The following LPP variants were observed in gnomAD, a reference collection of about 807,000 sequenced individuals.
LPP encodes lipoma-preferred partner.
In LPP, 38 loss-of-function variants were observed where a neutral mutation model predicts 60.4. That is an observed-to-expected ratio of 0.63 (90% CI 0.49 to 0.83). The LOEUF (loss-of-function observed/expected upper bound fraction) is 0.83, where lower values mean the gene tolerates loss of function less well. LPP is among the 40% of genes least tolerant of loss of function. The pLI is 0.00. For synonymous variants in LPP, 328 were observed against 290.8 expected, an observed-to-expected ratio of 1.13 and a Z score of -1.30; for missense variants, 902 against 783.6, an observed-to-expected ratio of 1.15 and a Z score of -1.80.
intron 9 of LPP, among the ~76,000 whole-genome samples, chr3:188,849,588 T>C (rs1386683281): frequency 6.6e-6 from 1 of 152,208 alleles, no homozygotes; most frequent in Admixed American, 6.5e-5. Flanking sequence ...TTTTTGTTTT[T>C]ATTAATCCCT....
intron 8 of LPP, among the ~76,000 whole-genome samples, chr3:188,733,495 ACTCT>A (rs917670823): frequency 6.6e-6 from 1 of 151,680 alleles, no homozygotes; most frequent in Non-Finnish European, 1.5e-5. Flanking sequence ...CTAACATGGT[ACTCT>A]CTCTCTTTAT....
At chr3:188,519,119 C>T (rs1248132246) in intron 5 of LPP, among the ~76,000 whole-genome samples, 1 of 152,080 alleles carries the variant, frequency 6.6e-6, no homozygotes, top group African/African-American at 2.4e-5. Context: ...CTCACAGTGC[C>T]CCAAAATATC....
intron 1 of LPP, among the ~76,000 whole-genome samples, chr3:188,200,245 A>ATTT (rs532406589): frequency 4.3e-5 from 6 of 139,832 alleles, no homozygotes; most frequent in Non-Finnish European, 7.8e-5. Flanking sequence ...GGGTTTAAGA[A>ATTT]TTTTTTTTTT....
rs1324398493 is a variant in LPP at position 188,174,018 on chromosome 3, T to C, written c.-190+19766T>C. Among the ~76,000 whole-genome samples, 4 of 152,328 alleles carry C rather than the reference T, an allele frequency of 2.6e-5. No homozygotes were observed. In the South Asian group the frequency reaches 6.2e-4, roughly 24 times the overall value. Reference sequence around the variant, plus strand: ...CTCACAAAATGCCACAGTTTTACCCTGTGAAAGTTAAGCAAACCGTTGTGC... The same window carrying C: ...CTCACAAAATGCCACAGTTTTACCCCGTGAAAGTTAAGCAAACCGTTGTGC... On this transcript the variant is annotated intron_variant, in intron 1 of 11. Coordinates refer to ENST00000617246, the MANE Select transcript of LPP (RefSeq NM_001375462.1).
chr3:188,538,701 T>C (rs1307477938), intron 6 of LPP, among the ~76,000 whole-genome samples: 1 of 152,148 alleles, frequency 6.6e-6, no homozygotes, highest in East Asian at 1.9e-4. Flanking sequence ...GGAATTAAAA[T>C]ATATGACCAC....
intron 6 of LPP, among the ~76,000 whole-genome samples, chr3:188,527,754 CTT>C (rs71169007): frequency 6.9e-6 from 1 of 144,662 alleles, no homozygotes. Flanking sequence ...GCTCCCTTTC[CTT>C]TTTTTTTTTT....
At chr3:188,487,143 G>T (rs1173353449) in intron 5 of LPP, among the ~76,000 whole-genome samples, 1 of 152,170 alleles carries the variant, frequency 6.6e-6, no homozygotes, top group Non-Finnish European at 1.5e-5. Flanking sequence ...TATTCTAGTT[G>T]TGTGATCTTG....
chr3:188,347,254 C>A (rs1486359450), intron 3 of LPP, among the ~76,000 whole-genome samples: 2 of 151,898 alleles, frequency 1.3e-5, no homozygotes. Flanking sequence ...GTAGATGGGC[C>A]CCAGAGGAAT....
intron 7 of LPP, among the ~76,000 whole-genome samples, chr3:188,695,450 G>T (rs1863036424): frequency 6.6e-6 from 1 of 152,152 alleles, no homozygotes; most frequent in Non-Finnish European, 1.5e-5. Flanking sequence ...ACATTTGAAA[G>T]ACATCCATAG....
chr3:188,384,038 T>A (rs1777556900), intron 3 of LPP, among the ~76,000 whole-genome samples: 1 of 152,206 alleles, frequency 6.6e-6, no homozygotes, highest in Non-Finnish European at 1.5e-5. Context: ...TGGTTTCTTT[T>A]CTTTAGTTCT....
intron 9 of LPP, among the ~76,000 whole-genome samples, chr3:188,824,861 A>G (rs917255778): frequency 7.2e-5 from 11 of 152,140 alleles, no homozygotes; most frequent in Non-Finnish European, 1.6e-4. Flanking sequence ...TTAGCCATCA[A>G]AGACCAAGGT....
At chr3:188,677,861 G>A (rs1576987154) in intron 7 of LPP, among the ~76,000 whole-genome samples, 1 of 152,180 alleles carries the variant, frequency 6.6e-6, no homozygotes, top group East Asian at 1.9e-4. Context: ...ACCTACCCTA[G>A]GTCTGGGTGG....
At chr3:188,197,627 A>G (rs1729912017) in intron 1 of LPP, among the ~76,000 whole-genome samples, 1 of 152,166 alleles carries the variant, frequency 6.6e-6, no homozygotes, top group Admixed American at 6.5e-5. Context: ...GAGGTGCATA[A>G]GGGACCCTAC....
chr3:188,311,918 T>C (rs1430807586), intron 2 of LPP, among the ~76,000 whole-genome samples: 1 of 152,116 alleles, frequency 6.6e-6, no homozygotes, highest in East Asian at 1.9e-4. Context: ...GGATTACAGG[T>C]GTGAGCCACC....
At chr3:188,843,835 C>CT (rs1465900217) in intron 9 of LPP, among the ~76,000 whole-genome samples, 1 of 151,074 alleles carries the variant, frequency 6.6e-6, no homozygotes, top group Non-Finnish European at 1.5e-5. Flanking sequence ...TCAGTTGCCC[C>CT]TGCAGTCCCT....
intron 9 of LPP, among the ~76,000 whole-genome samples, chr3:188,799,011 A>G (rs1023092729): frequency 3.3e-5 from 5 of 152,220 alleles, no homozygotes; most frequent in African/African-American, 4.8e-5. Context: ...ACATGTGTGT[A>G]GTTGTTTTGC....
chr3:188,228,989 G>A (rs1343597028), intron 2 of LPP, among the ~76,000 whole-genome samples: 7 of 152,120 alleles, frequency 4.6e-5, no homozygotes, highest in Non-Finnish European at 5.9e-5. Flanking sequence ...GCACAGCATC[G>A]GGAACATTAG....
At position 188,330,841 on chromosome 3, in the gene LPP, A is replaced by C. The variant is rs199565342; in HGVS notation, c.-66-10822A>C. On this transcript the variant is annotated intron_variant, in intron 2 of 11. Transcript: ENST00000617246. ...AGAATAAGTCAGTCAGTCAGTCAGT[A>C]AGTAAGTAAGTAAGTAAGTAAATAA... is the stretch of plus-strand genomic sequence containing the variant. Among the ~76,000 whole-genome samples, 219 of 85,374 alleles carry C rather than the reference A, an allele frequency of 2.6e-3. 1 individual carries two copies. Among genetic ancestry groups the C allele is most frequent in the Admixed American group, 7.6e-3 (46 of 6,078 alleles). 56.0% of individuals were successfully genotyped at this position (85,374 alleles called of 152,430 possible).
At chr3:188,448,762 A>G (rs1795924242) in intron 4 of LPP, among the ~76,000 whole-genome samples, 1 of 152,182 alleles carries the variant, frequency 6.6e-6, no homozygotes, top group South Asian at 2.1e-4. Flanking sequence ...TTGTAAAGAA[A>G]ATGCATTTTG....
Sources: gnomAD v4.1 joint callset for allele counts (sites outside exome capture counted in the v4.1 genomes callset) on GRCh38, gnomAD v4.1.1 for gene constraint, MANE v1.5 for transcripts, NCBI Gene and HGNC (gene_info 2026-07-23, HGNC 2026-07-21) for gene names.